The following POLR3B variants were observed in gnomAD, a reference collection of about 807,000 sequenced individuals.
The protein encoded by POLR3B is DNA-directed RNA polymerase III subunit RPC2.
POLR3B carries 96 observed loss-of-function variants against 147.4 expected under a neutral mutation model. The observed-to-expected ratio is 0.65, with a 90% confidence interval of 0.55 to 0.77. The LOEUF is 0.77. Among genes scored for constraint, POLR3B ranks in the 30% least tolerant of loss-of-function variants. The probability of loss-of-function intolerance (pLI) is 0.00; values close to 1 mark genes in which losing one functional copy is unlikely to be tolerated. For synonymous variants in POLR3B, 461 were observed against 485.9 expected (o/e 0.95, Z 0.67); for missense variants, 1,036 against 1,413.5 (o/e 0.73, Z 4.28).
intron 5 of POLR3B, 97 bp downstream of exon 5, chr12:106,369,447 G>A: frequency 1.1e-6 from 1 of 950,952 alleles, no homozygotes; most frequent in Admixed American, 1.7e-5. Context: ...ATGGGATGGG[G>A]GGGGACATTC....
chr12:106,507,047 C>T (rs1477639771), intron 27 of POLR3B, among the ~76,000 whole-genome samples: 1 of 152,164 alleles, frequency 6.6e-6, no homozygotes, highest in African/African-American at 2.4e-5. Context: ...GGGATGTTTA[C>T]AGCACGACTG....
intron 23 of POLR3B, among the ~76,000 whole-genome samples, chr12:106,491,946 A>C (rs935938568): frequency 6.6e-6 from 1 of 152,184 alleles, no homozygotes; most frequent in African/African-American, 2.4e-5. Flanking sequence ...AAAATGTAAA[A>C]ATTAAAGCAG....
intron 22 of POLR3B, among the ~76,000 whole-genome samples, chr12:106,461,701 T>G (rs908522214): frequency 5.9e-5 from 9 of 152,132 alleles, no homozygotes; most frequent in Non-Finnish European, 1.2e-4. Context: ...CATATGACCC[T>G]TCTATAGCAT....
At chr12:106,505,079 AATTTCTGTGTAGC>A (rs376113962) in intron 27 of POLR3B, among the ~76,000 whole-genome samples, 9 of 152,250 alleles carry the variant, frequency 5.9e-5, no homozygotes, top group African/African-American at 2.2e-4. Flanking sequence ...TAAAGTTTAT[AATTTCTGTGTAGC>A]ATTTGGTACA....
intron 6 of POLR3B, among the ~76,000 whole-genome samples, chr12:106,370,281 C>T (rs1275761243): frequency 1.3e-5 from 2 of 152,204 alleles, no homozygotes; most frequent in African/African-American, 4.8e-5. Flanking sequence ...TTTGAACAAA[C>T]ATCCATTTGT....
intron 10 of POLR3B, 81 bp from the exon 11 acceptor site, chr12:106,405,776 C>T (rs2037143325): frequency 1.1e-5 from 15 of 1,354,378 alleles, no homozygotes; most frequent in Non-Finnish European, 1.5e-5. Context: ...CTCTTTCGCT[C>T]ATACTGTACA....
chr12:106,392,032 T>A (rs553391209), intron 9 of POLR3B, among the ~76,000 whole-genome samples: 2 of 152,296 alleles, frequency 1.3e-5, no homozygotes, highest in East Asian at 3.9e-4. Flanking sequence ...ATGGCAAAAT[T>A]CCAGGCAAAT....
intron 6 of POLR3B, among the ~76,000 whole-genome samples, chr12:106,375,427 T>C (rs2036664343): frequency 6.6e-6 from 1 of 152,168 alleles, no homozygotes; most frequent in South Asian, 2.1e-4. Context: ...TTCTGTGTAT[T>C]TTCGCCATCT....
chr12:106,399,021 G>A (rs527626401), intron 10 of POLR3B, among the ~76,000 whole-genome samples: 3 of 152,072 alleles, frequency 2.0e-5, no homozygotes, highest in Admixed American at 6.6e-5. Flanking sequence ...GGCTTCACAC[G>A]ATCAAACTAC....
rs371612510 is a variant in POLR3B, at chr12:106,490,920, A to T, written c.2714-5135A>T. Among the ~76,000 whole-genome samples, 5 of 152,272 alleles carry T rather than the reference A, an allele frequency of 3.3e-5. No homozygotes were observed. The East Asian group carries it at 5.8e-4, about 18-fold the overall frequency. On this transcript the variant is annotated intron_variant, in intron 23 of 27. Coordinates refer to ENST00000228347, the MANE Select transcript of POLR3B (RefSeq NM_018082.6). ...TTCCCCAATAGATATCTGCAACCCC[A>T]GGCCTCGTGAAAGTTATCAGGAGAC...
intron 18 of POLR3B, among the ~76,000 whole-genome samples, chr12:106,443,788 T>C (rs961472698): frequency 6.6e-6 from 1 of 152,058 alleles, no homozygotes; most frequent in Non-Finnish European, 1.5e-5. Flanking sequence ...CCCAAACTGC[T>C]GGGATTATAG....
At chr12:106,411,462 G>A (rs2037226325) in intron 12 of POLR3B, among the ~76,000 whole-genome samples, 1 of 152,100 alleles carries the variant, frequency 6.6e-6, no homozygotes, top group South Asian at 2.1e-4. Context: ...TTAATAGTAC[G>A]TGACCTATAT....
intron 23 of POLR3B, among the ~76,000 whole-genome samples, chr12:106,482,226 C>A (rs1448034121): frequency 1.3e-5 from 2 of 152,102 alleles, no homozygotes; most frequent in Admixed American, 6.6e-5. Context: ...AAATAAAATT[C>A]TAAAGATTCA....
chr12:106,380,411 CAAAAA>C (rs147457953), intron 9 of POLR3B, among the ~76,000 whole-genome samples: 1 of 99,002 alleles, frequency 1.0e-5, no homozygotes, highest in Non-Finnish European at 2.1e-5. Flanking sequence ...CCATCTCTAC[CAAAAA>C]AAAAAAAAAA....
intron 11 of POLR3B, among the ~76,000 whole-genome samples, chr12:106,407,383 T>C (rs1202210680): frequency 1.3e-5 from 2 of 152,200 alleles, no homozygotes; most frequent in African/African-American, 4.8e-5. Flanking sequence ...GATTCGGAGA[T>C]ATAATATACG....
At position 106,410,870 on chromosome 12, in the gene POLR3B, G is replaced by C. The variant is rs768888177; in HGVS notation, c.1011G>C (p.Val337=). ...NFRAKCIYTA[V]MVRRVILAQG... ...GAGCCAAATGTATCTATACTGCAGT[G>C]ATGGTGCGAAGAGTTATTCTGGCCC... Residue 337 remains valine, a synonymous_variant, in exon 12 of 28, where the codon GTG becomes GTC. Transcript: ENST00000228347. The C allele has an allele frequency of 1.9e-6, 3 of 1,613,820 alleles. No individual in the cohort carries two copies. The Admixed American group carries it at 5.0e-5, about 27-fold the overall frequency.
At chr12:106,495,188 CA>C (rs1565915104) in intron 23 of POLR3B, among the ~76,000 whole-genome samples, 1 of 151,920 alleles carries the variant, frequency 6.6e-6, no homozygotes. Context: ...TTCCTCTTCC[CA>C]AAAAAATCAG....
chr12:106,507,705 C>T (rs776168884), intron 27 of POLR3B: 3 of 453,134 alleles, frequency 6.6e-6, no homozygotes, highest in African/African-American at 2.0e-5. Context: ...ATCAACTGTG[C>T]ATTTGTGAGG....
chr12:106,446,698 C>T (rs771457736), intron 19 of POLR3B, among the ~76,000 whole-genome samples: 3 of 152,210 alleles, frequency 2.0e-5, no homozygotes, highest in Non-Finnish European at 2.9e-5. Context: ...AATCCTCTGA[C>T]GTTACTGCTG....
Sources: allele counts gnomAD v4.1 joint callset (sites outside exome capture counted in the v4.1 genomes callset), GRCh38; gene constraint gnomAD v4.1.1; transcripts MANE v1.5; gene names NCBI Gene and HGNC (gene_info 2026-07-23, HGNC 2026-07-21).